The following TMCO5A variants were observed in gnomAD, a reference collection of about 807,000 sequenced individuals.
TMCO5A encodes transmembrane and coiled-coil domains 5A, also known as transmembrane and coiled-coil domain-containing protein 5A.
A neutral mutation model predicts 42.3 loss-of-function variants in TMCO5A; 34 were observed. The ratio of observed to expected loss-of-function variants is 0.80; its 90% CI spans 0.61 to 1.07. The LOEUF is 1.07. Ranked by LOEUF, TMCO5A falls within the 50% of genes least tolerant of loss-of-function variation. The probability of loss-of-function intolerance (pLI) is 0.00; values close to 1 mark genes in which losing one functional copy is unlikely to be tolerated. For missense variants in TMCO5A, 357 were observed against 327.9 expected (o/e 1.09, Z -0.69); for synonymous variants, 131 against 115.6 (o/e 1.13, Z -0.86).
In TMCO5A at chr15:37,936,827, C is replaced by G. The variant is rs774920399; in HGVS notation, c.141-20C>G. ...AACTGCCAAGCATGGGTCCTCATGGCATGTGCTTGTGTTGTCCAGGCTGGA... is the reference window on the plus strand; with the variant it reads ...AACTGCCAAGCATGGGTCCTCATGGGATGTGCTTGTGTTGTCCAGGCTGGA... On this transcript the variant is annotated intron_variant, in intron 3 of 11. Coordinates refer to ENST00000319669, the MANE Select transcript of TMCO5A (RefSeq NM_152453.4). The G allele has an allele frequency of 1.2e-6, 2 of 1,610,140 alleles. No homozygotes were observed. Among genetic ancestry groups the G allele is most frequent in the Non-Finnish European group, 8.5e-7 (1 of 1,178,246 alleles).
chr15:37,942,153 T>G (rs752525302), intron 8 of TMCO5A, 38 bp from the exon 9 acceptor site: 1 of 1,593,996 alleles, frequency 6.3e-7, no homozygotes, highest in Admixed American at 1.7e-5. Context: ...GTAAACCTTC[T>G]AAGTAGTAAC....
At chr15:37,997,945 GATCA>G in the TMCO5A span, among the ~76,000 whole-genome samples, 1 of 152,102 alleles carries the variant, frequency 6.6e-6, no homozygotes, top group Non-Finnish European at 1.5e-5. Flanking sequence ...GTTCTCTGAT[GATCA>G]ATTATGTTGA....
At chr15:37,982,703 A>G in the TMCO5A span, among the ~76,000 whole-genome samples, 2 of 142,988 alleles carry the variant, frequency 1.4e-5, no homozygotes, top group Non-Finnish European at 3.0e-5. Flanking sequence ...TATATGATCT[A>G]TGTTTATAAT....
chr15:37,957,340 C>A (rs1890316394), intron 11 of TMCO5A, among the ~76,000 whole-genome samples: 2 of 152,170 alleles, frequency 1.3e-5, no homozygotes, highest in African/African-American at 4.8e-5. Flanking sequence ...ATTTAGAAAA[C>A]CCCATTGTCT....
chr15:37,937,342 A>T lies in TMCO5A; in HGVS notation c.265-4A>T. The stretch of plus-strand genomic sequence containing the variant: ...AGATTTACACTGTTATTTCTCTCTC[A>T]CAGGAAAGGAAGAATAAGACGTTGG... On this transcript the variant is annotated splice_region_variant and splice_polypyrimidine_tract_variant and intron_variant, in intron 4 of 11. Transcript: ENST00000319669. 6.2e-7 allele frequency: 1 copy of T among 1,613,014 alleles called. No homozygotes were observed. The highest frequency in any genetic ancestry group is 8.5e-7 in the Non-Finnish European group (1 of 1,179,290).
chr15:37,965,409 G>T (rs1018082559), intron 11 of TMCO5A, among the ~76,000 whole-genome samples: 5 of 152,022 alleles, frequency 3.3e-5, no homozygotes, highest in Non-Finnish European at 4.4e-5. Context: ...TGGACAAATG[G>T]GTTCTCATCA....
At chr15:37,965,787 C>G (rs2140822976) in intron 11 of TMCO5A, among the ~76,000 whole-genome samples, 1 of 152,290 alleles carries the variant, frequency 6.6e-6, no homozygotes, top group South Asian at 2.1e-4. Context: ...GAAAAGGGAA[C>G]ACTCATACAT....
At chr15:38,000,082 T>A in the TMCO5A span, among the ~76,000 whole-genome samples, 2 of 152,148 alleles carry the variant, frequency 1.3e-5, no homozygotes, top group Non-Finnish European at 2.9e-5. Flanking sequence ...CAGAATAGTT[T>A]GAGTAGAATT....
At chr15:38,016,781 G>A in the TMCO5A span, among the ~76,000 whole-genome samples, 2 of 152,130 alleles carry the variant, frequency 1.3e-5, no homozygotes, top group Non-Finnish European at 2.9e-5. Context: ...GTCCTCTGCC[G>A]CTTGCCTTAA....
chr15:37,941,239 A>C, intron 7 of TMCO5A, 34 bp downstream of exon 7: 1 of 1,598,816 alleles, frequency 6.3e-7, no homozygotes, highest in Non-Finnish European at 8.6e-7. Context: ...ACTTCTCCCC[A>C]AAAAGGGAAA....
At chr15:38,023,418 T>C in the TMCO5A span, among the ~76,000 whole-genome samples, 1 of 152,208 alleles carries the variant, frequency 6.6e-6, no homozygotes, top group African/African-American at 2.4e-5. Flanking sequence ...CAATATGTTT[T>C]CTTATATGAT....
chr15:37,979,798 G>A, the TMCO5A span, among the ~76,000 whole-genome samples: 2 of 152,170 alleles, frequency 1.3e-5, no homozygotes, highest in African/African-American at 4.8e-5. Flanking sequence ...CTCCATCGCA[G>A]GGCAGAGCTG....
intron 11 of TMCO5A, among the ~76,000 whole-genome samples, chr15:37,961,752 C>A (rs973602242): frequency 1.3e-5 from 2 of 151,930 alleles, no homozygotes. Flanking sequence ...CTTTCACCTC[C>A]TTGTTTAGGT....
intron 2 of TMCO5A, 105 bp from the exon 3 acceptor site, chr15:37,936,209 G>C: frequency 2.3e-6 from 3 of 1,307,994 alleles, no homozygotes; most frequent in East Asian, 2.4e-5. Flanking sequence ...CCCCCAGAGA[G>C]AGTAAGGTTA....
At chr15:38,022,493 C>T in the TMCO5A span, among the ~76,000 whole-genome samples, 3 of 152,050 alleles carry the variant, frequency 2.0e-5, no homozygotes, top group Admixed American at 6.5e-5. Context: ...AGGGGTTTGA[C>T]GGGGAGAAGA....
chr15:37,941,426 A>G (rs978019424), intron 7 of TMCO5A, among the ~76,000 whole-genome samples: 1 of 151,726 alleles, frequency 6.6e-6, no homozygotes, highest in Non-Finnish European at 1.5e-5. Context: ...TGTATCTCGC[A>G]AATATTAGTT....
At chr15:37,955,239 A>G (rs1165926618), downstream of TMCO5A, among the ~76,000 whole-genome samples, 1 of 141,102 alleles carries the variant, frequency 7.1e-6, no homozygotes, top group African/African-American at 2.6e-5. Flanking sequence ...ATATAAGACA[A>G]AATAGATTTA....
intron 10 of TMCO5A, among the ~76,000 whole-genome samples, 192 bp from the exon 11 acceptor site, chr15:37,947,464 A>C (rs2140281342): frequency 6.6e-6 from 1 of 152,182 alleles, no homozygotes; most frequent in Non-Finnish European, 1.5e-5. Context: ...ATATGTAAAA[A>C]GGTAGGACAA....
the TMCO5A span, among the ~76,000 whole-genome samples, chr15:38,013,892 G>T: frequency 7.8e-4 from 118 of 152,224 alleles, 2 homozygotes; most frequent in East Asian, 0.019. Context: ...CATTCCTTCT[G>T]CAGGCTCTAG....
Sources: gnomAD v4.1 joint callset for allele counts (sites outside exome capture counted in the v4.1 genomes callset) on GRCh38, gnomAD v4.1.1 for gene constraint, MANE v1.5 for transcripts, NCBI Gene and HGNC (gene_info 2026-07-23, HGNC 2026-07-21) for gene names.